The following MRPL3 variants were observed in gnomAD, a reference collection of about 807,000 sequenced individuals.
MRPL3 encodes the protein mitochondrial ribosomal protein L3.
In MRPL3, 43 loss-of-function variants were observed where a neutral mutation model predicts 44.3. The ratio of observed to expected loss-of-function variants is 0.97; its 90% CI spans 0.76 to 1.25. The LOEUF (loss-of-function observed/expected upper bound fraction) is 1.25. MRPL3 is among the 50% of genes most tolerant of loss of function. The probability of loss-of-function intolerance (pLI) is 0.00; values close to 1 mark genes in which losing one functional copy is unlikely to be tolerated. For missense variants in MRPL3, 406 were observed against 427.6 expected (o/e 0.95, Z 0.45); for synonymous variants, 171 against 152.3 (o/e 1.12, Z -0.91).
At chr3:131,468,280 C>T in intron 8 of MRPL3, 112 bp from the exon 9 acceptor site, 1 of 559,118 alleles carries the variant, frequency 1.8e-6, no homozygotes, top group Non-Finnish European at 3.2e-6. Flanking sequence ...ATTACCAGTA[C>T]TTCAGAATGT....
intron 6 of MRPL3, among the ~76,000 whole-genome samples, chr3:131,477,727 A>C (rs1204261509): frequency 6.6e-6 from 1 of 152,228 alleles, no homozygotes; most frequent in Non-Finnish European, 1.5e-5. Context: ...CTAAAAGATA[A>C]GAATACTTTT....
intron 4 of MRPL3, chr3:131,497,943 C>T (rs1934403786): frequency 1.9e-6 from 1 of 515,690 alleles, no homozygotes; most frequent in Admixed American, 3.7e-5. Flanking sequence ...ACAAGCACTA[C>T]AGCTTAGAGA....
At chr3:131,492,280 CT>C (rs1356352553) in intron 4 of MRPL3, among the ~76,000 whole-genome samples, 2 of 151,908 alleles carry the variant, frequency 1.3e-5, no homozygotes, top group Non-Finnish European at 2.9e-5. Context: ...GAGAAAAATC[CT>C]TTATATTTTT....
Position 131,462,428 on chromosome 3 carries a change from A to G in MRPL3, c.*295T>C, listed in dbSNP as rs1222240219. The G allele has an allele frequency of 1.7e-5, 4 of 233,440 alleles. No individual in the cohort carries two copies. Among genetic ancestry groups the G allele is most frequent in the South Asian group, 1.6e-4 (1 of 6,112 alleles). 14.5% of individuals were successfully genotyped at this position (233,440 alleles called of 1,614,324 possible). On this transcript the variant is annotated 3_prime_UTR_variant, in exon 10 of 10. Transcript: ENST00000264995. ...AAGTTAAATTTACAGACATCTTAAGATAACTTGGGAAATATGTAGTAAAAA... is the reference window on the plus strand; with the variant it reads ...AAGTTAAATTTACAGACATCTTAAGGTAACTTGGGAAATATGTAGTAAAAA...
At chr3:131,496,680 A>G (rs904701986) in intron 4 of MRPL3, among the ~76,000 whole-genome samples, 2 of 152,122 alleles carry the variant, frequency 1.3e-5, no homozygotes, top group African/African-American at 4.8e-5. Context: ...TCTCAATGCA[A>G]CTGCCTTGCT....
At chr3:131,490,198 C>A in intron 4 of MRPL3, 118 bp from the exon 5 acceptor site, 1 of 682,694 alleles carries the variant, frequency 1.5e-6, no homozygotes, top group South Asian at 1.8e-5. Context: ...ATACCTTATT[C>A]CTTAATGAAC....
chr3:131,486,352 G>C (rs1422649521), intron 6 of MRPL3, among the ~76,000 whole-genome samples: 3 of 76,100 alleles, frequency 3.9e-5, no homozygotes, highest in African/African-American at 1.8e-4. Flanking sequence ...AAACCAAAGA[G>C]CTTCTGCACG....
intron 4 of MRPL3, among the ~76,000 whole-genome samples, chr3:131,490,372 C>T (rs1309676564): frequency 1.3e-5 from 2 of 152,108 alleles, no homozygotes; most frequent in Non-Finnish European, 2.9e-5. Flanking sequence ...GAGTTGTGCT[C>T]ATATTTAAAT....
chr3:131,469,689 C>T lies in MRPL3; in HGVS notation c.816+7G>A. On this transcript the variant is annotated splice_region_variant and intron_variant, in intron 8 of 9. Coordinates refer to ENST00000264995, the MANE Select transcript of MRPL3 (RefSeq NM_007208.4). ...TGTTCCTAAAAAGAACCACTTGTAA[C>T]ACTTACTTTCAGTCCATATTCTGTC... The T allele has an allele frequency of 6.2e-7, 1 of 1,601,326 alleles. No homozygotes were observed. The highest frequency in any genetic ancestry group is 8.5e-7 in the Non-Finnish European group (1 of 1,171,658).
intron 6 of MRPL3, among the ~76,000 whole-genome samples, chr3:131,477,133 T>C (rs535553509): frequency 8.5e-5 from 13 of 152,240 alleles, no homozygotes; most frequent in Admixed American, 5.2e-4. Context: ...AAATCCATCA[T>C]GTATTTCTTT....
chr3:131,482,387 T>C (rs554230500), intron 6 of MRPL3, among the ~76,000 whole-genome samples: 2 of 152,066 alleles, frequency 1.3e-5, no homozygotes, highest in South Asian at 4.2e-4. Flanking sequence ...GTGGTGGCAG[T>C]TGCCTGTAGT....
At chr3:131,470,745 A>G (rs565504711) in intron 7 of MRPL3, among the ~76,000 whole-genome samples, 1 of 152,208 alleles carries the variant, frequency 6.6e-6, no homozygotes, top group East Asian at 1.9e-4. Flanking sequence ...TATAGGGTTC[A>G]TTTTAATTTT....
chr3:131,500,092 C>A (rs1170783716), intron 3 of MRPL3, among the ~76,000 whole-genome samples: 1 of 152,134 alleles, frequency 6.6e-6, no homozygotes, highest in Non-Finnish European at 1.5e-5. Flanking sequence ...AAACTGTAAT[C>A]TGGAGTTGAA....
intron 6 of MRPL3, among the ~76,000 whole-genome samples, chr3:131,474,458 G>A (rs1225361592): frequency 6.6e-6 from 1 of 152,078 alleles, no homozygotes; most frequent in Admixed American, 6.6e-5. Context: ...GAAGGAATAA[G>A]TTCTGGTGTT....
intron 4 of MRPL3, among the ~76,000 whole-genome samples, chr3:131,495,424 T>A (rs1934345222): frequency 6.6e-6 from 1 of 152,124 alleles, no homozygotes; most frequent in South Asian, 2.1e-4. Context: ...ACTTAGAAAT[T>A]TTATATCTTG....
intron 6 of MRPL3, among the ~76,000 whole-genome samples, chr3:131,476,720 A>C (rs1933860358): frequency 6.6e-6 from 1 of 152,190 alleles, no homozygotes; most frequent in East Asian, 1.9e-4. Context: ...TAATCTAGGA[A>C]ACATTATTGT....
intron 6 of MRPL3, among the ~76,000 whole-genome samples, chr3:131,476,506 CTTTAT>C (rs1156874509): frequency 1.3e-5 from 2 of 151,890 alleles, no homozygotes; most frequent in African/African-American, 2.4e-5. Context: ...ATACAACATA[CTTTAT>C]ATTTTATATC....
chr3:131,493,389 A>C (rs996896622), intron 4 of MRPL3, among the ~76,000 whole-genome samples: 6 of 152,220 alleles, frequency 3.9e-5, no homozygotes, highest in Admixed American at 1.3e-4. Flanking sequence ...CTATGCCAAC[A>C]CTAGACACTG....
chr3:131,492,496 G>A (rs550775106), intron 4 of MRPL3, among the ~76,000 whole-genome samples: 2 of 152,216 alleles, frequency 1.3e-5, no homozygotes, highest in Admixed American at 6.5e-5. Flanking sequence ...GTCTCATAAG[G>A]AGCATGCAAC....
Sources: allele counts gnomAD v4.1 joint callset (sites outside exome capture counted in the v4.1 genomes callset), GRCh38; gene constraint gnomAD v4.1.1; transcripts MANE v1.5; gene names NCBI Gene and HGNC (gene_info 2026-07-23, HGNC 2026-07-21).